ELAVL4: variants seen among roughly 807,000 people sequenced by gnomAD.
The protein encoded by ELAVL4 is ELAV like RNA binding protein 4, also known as ELAV-like protein 4.
Under a neutral mutation model 35.6 loss-of-function variants are expected in ELAVL4, and 1 was observed. The observed-to-expected ratio is 0.03, with a 90% CI of 0.01 to 0.13. ELAVL4 has a LOEUF of 0.13. ELAVL4 is among the 10% of genes least tolerant of loss of function. The pLI, the probability that ELAVL4 is intolerant of heterozygous loss-of-function variation, is 1.00. For synonymous variants in ELAVL4, 156 were observed against 171.0 expected, an observed-to-expected ratio of 0.91 and a Z score of 0.69; for missense variants, 267 against 464.9, an observed-to-expected ratio of 0.57 and a Z score of 3.91.
chr1:50,178,964 C>CTTT (rs34330798), intron 3 of ELAVL4, among the ~76,000 whole-genome samples: 1 of 147,340 alleles, frequency 6.8e-6, no homozygotes, highest in Non-Finnish European at 1.5e-5. Flanking sequence ...TTCCATTTTG[C>CTTT]TTTTTTTTTT....
At chr1:50,136,661 C>A (rs1212844894) in intron 1 of ELAVL4, among the ~76,000 whole-genome samples, 1 of 152,126 alleles carries the variant, frequency 6.6e-6, no homozygotes, top group African/African-American at 2.4e-5. Flanking sequence ...GCAATCAGTA[C>A]ATTCCTTTAA....
chr1:50,172,727 A>C (rs980903876), intron 2 of ELAVL4, among the ~76,000 whole-genome samples: 2 of 152,204 alleles, frequency 1.3e-5, no homozygotes, highest in Non-Finnish European at 2.9e-5. Flanking sequence ...ATCTTAGGCA[A>C]ATCACCATTT....
At chr1:50,091,893 G>T (rs1665512451) in intron 1 of ELAVL4, among the ~76,000 whole-genome samples, 1 of 152,102 alleles carries the variant, frequency 6.6e-6, no homozygotes. Flanking sequence ...GCTCGCTTAA[G>T]GTCTGTGAGA....
intron 1 of ELAVL4, among the ~76,000 whole-genome samples, chr1:50,073,427 C>T (rs1216761775): frequency 1.3e-5 from 2 of 151,722 alleles, no homozygotes; most frequent in Non-Finnish European, 1.5e-5. Flanking sequence ...AAAAATGCTT[C>T]ATTGATTTTT....
At chr1:50,078,953 A>C (rs1376703759) in intron 1 of ELAVL4, among the ~76,000 whole-genome samples, 1 of 152,042 alleles carries the variant, frequency 6.6e-6, no homozygotes, top group Non-Finnish European at 1.5e-5. Context: ...TACCTGTTTG[A>C]GTTTCCATTG....
At chr1:50,088,965 T>C (rs1039304738) in intron 1 of ELAVL4, among the ~76,000 whole-genome samples, 2 of 152,156 alleles carry the variant, frequency 1.3e-5, no homozygotes, top group Admixed American at 6.5e-5. Flanking sequence ...GAAGGCTGAG[T>C]CTAGCAATAG....
chr1:50,079,432 A>G (rs562087363), intron 1 of ELAVL4, among the ~76,000 whole-genome samples: 2 of 152,276 alleles, frequency 1.3e-5, no homozygotes, highest in Non-Finnish European at 2.9e-5. Context: ...CTTCCATGAG[A>G]AGCTCTGAAG....
chr1:50,154,752 T>G (rs1022432664), intron 2 of ELAVL4, among the ~76,000 whole-genome samples: 9 of 147,230 alleles, frequency 6.1e-5, no homozygotes, highest in Non-Finnish European at 1.4e-4. Context: ...TTGTTATATT[T>G]TGTGTGTGTG....
chr1:50,055,004 A>G (rs553743272), intron 1 of ELAVL4, among the ~76,000 whole-genome samples: 1 of 152,332 alleles, frequency 6.6e-6, no homozygotes, highest in East Asian at 1.9e-4. Context: ...CTACAGCTAC[A>G]GCTTTCTCTC....
At chr1:50,064,224 G>C (rs886703005) in intron 1 of ELAVL4, among the ~76,000 whole-genome samples, 1 of 151,898 alleles carries the variant, frequency 6.6e-6, no homozygotes, top group African/African-American at 2.4e-5. Context: ...GTCTTTCCTG[G>C]GTATTGAGAA....
intron 1 of ELAVL4, among the ~76,000 whole-genome samples, chr1:50,113,749 C>T (rs891495407): frequency 7.2e-5 from 11 of 152,054 alleles, no homozygotes; most frequent in African/African-American, 2.4e-4. Context: ...GTAAAGTCAA[C>T]CTTTTATTTA....
intron 1 of ELAVL4, among the ~76,000 whole-genome samples, chr1:50,085,610 A>G (rs1665205405): frequency 6.6e-6 from 1 of 152,198 alleles, no homozygotes; most frequent in Admixed American, 6.5e-5. Context: ...GTAAGGAAGG[A>G]CCTATTCAGA....
At chr1:50,112,635 A>G (rs1435150664) in intron 1 of ELAVL4, among the ~76,000 whole-genome samples, 2 of 152,170 alleles carry the variant, frequency 1.3e-5, no homozygotes, top group African/African-American at 2.4e-5. Context: ...ATTAACATAG[A>G]TGAGGAAGTA....
At chr1:50,179,162 T>C (rs932137059) in intron 3 of ELAVL4, among the ~76,000 whole-genome samples, 1 of 152,118 alleles carries the variant, frequency 6.6e-6, no homozygotes, top group Non-Finnish European at 1.5e-5. Context: ...TCTATATTCC[T>C]TTCCCCACCC....
intron 1 of ELAVL4, among the ~76,000 whole-genome samples, chr1:50,113,843 A>G (rs1279457547): frequency 1.3e-5 from 2 of 152,082 alleles, no homozygotes; most frequent in African/African-American, 4.8e-5. Flanking sequence ...CTCTGTGTGT[A>G]TCAGTATAAG....
Position 50,145,091 on chromosome 1 carries a change from C to T in ELAVL4, c.144C>T (p.Leu48=). The change falls in exon 2 of 7, where the codon CTC becomes CTT. Residue 48 remains leucine (L), a synonymous_variant. Transcript: ENST00000371824. ...CCACAGATGACAGCAAAACCAACCT[C>T]ATCGTCAACTATTTACCCCAGAATA... ...GATTDDSKTN[L]IVNYLPQNMT... 6.2e-7 allele frequency: 1 copy of T among 1,614,068 alleles called. No homozygotes were observed. Among genetic ancestry groups the T allele is most frequent in the South Asian group, 1.1e-5 (1 of 91,076 alleles).
intron 1 of ELAVL4, among the ~76,000 whole-genome samples, chr1:50,059,857 G>A (rs1663867194): frequency 1.3e-5 from 2 of 152,086 alleles, no homozygotes; most frequent in Admixed American, 1.3e-4. Flanking sequence ...GACACAAAAG[G>A]TCACATATTA....
At chr1:50,155,840 G>A (rs1405769329) in intron 2 of ELAVL4, among the ~76,000 whole-genome samples, 1 of 152,108 alleles carries the variant, frequency 6.6e-6, no homozygotes, top group Non-Finnish European at 1.5e-5. Context: ...CTCATATCCT[G>A]GTCCTAACTG....
chr1:50,169,741 A>G, intron 2 of ELAVL4, among the ~76,000 whole-genome samples: 1 of 152,172 alleles, frequency 6.6e-6, no homozygotes, highest in East Asian at 1.9e-4. Flanking sequence ...CTTTATCTTC[A>G]AAGCCCAGCT....
Sources: gnomAD v4.1 joint callset for allele counts (sites outside exome capture counted in the v4.1 genomes callset) on GRCh38, gnomAD v4.1.1 for gene constraint, MANE v1.5 for transcripts, NCBI Gene and HGNC (gene_info 2026-07-23, HGNC 2026-07-21) for gene names.